FCRL2: variants seen among roughly 807,000 people sequenced by gnomAD.
FCRL2 encodes the protein Fc receptor like 2, also known as Fc receptor-like protein 2.
In FCRL2, 48 loss-of-function variants were observed where a neutral mutation model predicts 59.8. The observed-to-expected ratio is 0.80, with a 90% CI of 0.64 to 1.02. FCRL2 has a LOEUF of 1.02. Ranked by LOEUF, FCRL2 falls within the 50% of genes least tolerant of loss-of-function variation. FCRL2 has a pLI of 0.00. For synonymous variants in FCRL2, 251 were observed against 229.5 expected (o/e 1.09, Z -0.85); for missense variants, 658 against 597.3 (o/e 1.10, Z -1.06).
At chr1:157,759,985 A>T (rs1367352853) in intron 7 of FCRL2, among the ~76,000 whole-genome samples, 1 of 152,232 alleles carries the variant, frequency 6.6e-6, no homozygotes, top group African/African-American at 2.4e-5. Flanking sequence ...GTAAAGACAC[A>T]TGCATGTATA....
chr1:157,767,800 C>T lies in FCRL2; in HGVS notation c.884-291G>A, dbSNP rs531034518. 1.2e-3 allele frequency: 1,260 copies of T among 1,013,990 alleles called. 30 individuals carry two copies. In the South Asian group the frequency reaches 0.031, roughly 25 times the overall value. The allele number at this position is 1,013,990 out of a possible 1,614,324, so 62.8% of individuals were successfully genotyped here. A position where few individuals can be genotyped will look rare whatever the true frequency, so the allele number is the denominator to read the frequency against. The stretch of plus-strand genomic sequence containing the variant: ...ATATTTCTTTTTTTTCTTTTGTATC[C>T]TATAATTTTTTATTAGGAAATAATT... On this transcript the variant is annotated intron_variant, in intron 5 of 11. Coordinates refer to ENST00000361516, the MANE Select transcript of FCRL2 (RefSeq NM_030764.4).
chr1:157,754,973 A>C (rs536973527), intron 7 of FCRL2, among the ~76,000 whole-genome samples: 1 of 152,192 alleles, frequency 6.6e-6, no homozygotes, highest in Non-Finnish European at 1.5e-5. Context: ...CTCAAAAAAA[A>C]AAGAAAAGAA....
chr1:157,774,289 C>G (rs1650244689), intron 2 of FCRL2: 1 of 367,696 alleles, frequency 2.7e-6, no homozygotes, highest in African/African-American at 2.1e-5. Flanking sequence ...TAATTCTCAA[C>G]AGGCCAGAAA....
intron 8 of FCRL2, 144 bp downstream of exon 8, chr1:157,749,506 G>A (rs546237441): frequency 3.5e-6 from 2 of 574,274 alleles, no homozygotes; most frequent in African/African-American, 1.8e-5. Context: ...ATGTAATGCA[G>A]TAGAGACAAG....
At chr1:157,750,125 G>A (rs944848972) in intron 7 of FCRL2, among the ~76,000 whole-genome samples, 4 of 152,210 alleles carry the variant, frequency 2.6e-5, no homozygotes, top group African/African-American at 4.8e-5. Flanking sequence ...CTTTAGGAAT[G>A]ATCTTGGGGC....
intron 4 of FCRL2, 51 bp downstream of exon 4, chr1:157,769,815 C>G (rs375850114): frequency 1.9e-5 from 30 of 1,579,642 alleles, no homozygotes; most frequent in Non-Finnish European, 2.5e-5. Context: ...CAAGCTGAAG[C>G]TATAACACTC....
In FCRL2 at chr1:157,746,781, G is replaced by C. The variant is rs1203296772; in HGVS notation, c.1489-7C>G. 6.2e-7 allele frequency: 1 copy of C among 1,613,924 alleles called. No homozygotes were observed. The highest frequency in any genetic ancestry group is 1.7e-5 in the Admixed American group (1 of 60,018). On this transcript the variant is annotated splice_region_variant and splice_polypyrimidine_tract_variant and intron_variant, in intron 11 of 11. Coordinates refer to ENST00000361516, the MANE Select transcript of FCRL2 (RefSeq NM_030764.4). ...AGTAGATGACTTGGGAGTCCTGGGA[G>C]AGACACACAGGAATAAAGACTGAGG...
chr1:157,770,658 T>G lies in FCRL2; in HGVS notation c.61A>C (p.Thr21Pro). The change falls in exon 3 of 12, where the codon ACC becomes CCC. Residue 21 changes from threonine (T) to proline (P), a missense_variant. By Grantham distance (38) the Thr-to-Pro change is conservative. Coordinates refer to ENST00000361516, the MANE Select transcript of FCRL2 (RefSeq NM_030764.4). ...AAGACAGAAGAGGGCGCCACAAGGG[T>G]CAGCGAATCTGGAAGAGAAGGAGGG... ...DAVTEQADSL[T>P]LVAPSSVFEG... The G allele has an allele frequency of 4.3e-6, 7 of 1,613,958 alleles. No individual in the cohort carries two copies. The highest frequency in any genetic ancestry group is 2.2e-5 in the East Asian group (1 of 44,870).
chr1:157,761,150 C>A (rs1234860204), intron 7 of FCRL2, among the ~76,000 whole-genome samples: 2 of 152,246 alleles, frequency 1.3e-5, no homozygotes, highest in African/African-American at 2.4e-5. Context: ...ATAAATAACA[C>A]CTTACTGACA....
intron 7 of FCRL2, among the ~76,000 whole-genome samples, chr1:157,762,884 A>G (rs1246363313): frequency 6.6e-6 from 1 of 152,210 alleles, no homozygotes; most frequent in Non-Finnish European, 1.5e-5. Context: ...TTTTCCAGAT[A>G]AGCAAAAGCT....
intron 1 of FCRL2, among the ~76,000 whole-genome samples, 186 bp from the exon 2 acceptor site, chr1:157,775,981 G>A (rs1302921219): frequency 6.6e-6 from 1 of 152,026 alleles, no homozygotes; most frequent in Non-Finnish European, 1.5e-5. Context: ...ATTCATTGTA[G>A]TCAAAAGGCA....
chr1:157,753,328 A>G (rs532384142), intron 7 of FCRL2, among the ~76,000 whole-genome samples: 1 of 152,336 alleles, frequency 6.6e-6, no homozygotes, highest in South Asian at 2.1e-4. Flanking sequence ...CATGGGCCTC[A>G]TATCTTTCTG....
intron 7 of FCRL2, among the ~76,000 whole-genome samples, chr1:157,761,160 A>T (rs1012944756): frequency 2.0e-5 from 3 of 152,242 alleles, no homozygotes; most frequent in Non-Finnish European, 4.4e-5. Flanking sequence ...CCTTACTGAC[A>T]TAGGTGAAAC....
At chr1:157,764,417 T>C (rs1252635684) in intron 7 of FCRL2, among the ~76,000 whole-genome samples, 2 of 152,230 alleles carry the variant, frequency 1.3e-5, no homozygotes, top group Non-Finnish European at 2.9e-5. Context: ...ACAGATCATC[T>C]GAATAGTAAA....
chr1:157,776,968 A>G, intron 1 of FCRL2, 75 bp downstream of exon 1: 1 of 1,459,252 alleles, frequency 6.9e-7, no homozygotes, highest in East Asian at 2.3e-5. Flanking sequence ...GGCTCCAATA[A>G]AACCTCCAAC....
chr1:157,765,400 C>CA (rs1276332922), intron 7 of FCRL2, among the ~76,000 whole-genome samples: 1 of 152,018 alleles, frequency 6.6e-6, no homozygotes, highest in Non-Finnish European at 1.5e-5. Flanking sequence ...CAAACCATTC[C>CA]AAAAAAATTG....
chr1:157,770,716 G>A (rs1454879350), intron 2 of FCRL2, 50 bp from the exon 3 acceptor site: 9 of 1,603,124 alleles, frequency 5.6e-6, no homozygotes, highest in Non-Finnish European at 8.5e-7. Context: ...AGAGAACCCA[G>A]ACAGACTCCA....
chr1:157,756,545 C>T (rs888270644), intron 7 of FCRL2, among the ~76,000 whole-genome samples: 1 of 151,970 alleles, frequency 6.6e-6, no homozygotes, highest in South Asian at 2.1e-4. Flanking sequence ...CAAGGCATGG[C>T]GAGCATGCCT....
chr1:157,753,401 T>C (rs1344247698), intron 7 of FCRL2, among the ~76,000 whole-genome samples: 1 of 152,224 alleles, frequency 6.6e-6, no homozygotes, highest in Non-Finnish European at 1.5e-5. Context: ...ATTTGCTCTA[T>C]AGAACTCGAA....
Sources: allele counts gnomAD v4.1 joint callset (sites outside exome capture counted in the v4.1 genomes callset), GRCh38; gene constraint gnomAD v4.1.1; transcripts MANE v1.5; gene names NCBI Gene and HGNC (gene_info 2026-07-23, HGNC 2026-07-21).